The following CARMIL1 variants were observed in gnomAD, a reference collection of about 807,000 sequenced individuals.
CARMIL1 encodes the protein capping protein regulator and myosin 1 linker 1.
A neutral mutation model predicts 177.1 loss-of-function variants in CARMIL1; 90 were observed. That is an observed-to-expected ratio of 0.51 (90% confidence interval 0.43 to 0.61). The LOEUF is 0.61. Among genes scored for constraint, CARMIL1 ranks in the 20% least tolerant of loss-of-function variants. The pLI is 0.00. For missense variants in CARMIL1, 1,380 were observed against 1,667.0 expected, an observed-to-expected ratio of 0.83 and a Z score of 3.00; for synonymous variants, 577 against 606.2, an observed-to-expected ratio of 0.95 and a Z score of 0.71.
At chr6:25,360,449 C>T (rs1480435605) in intron 2 of CARMIL1, among the ~76,000 whole-genome samples, 1 of 152,152 alleles carries the variant, frequency 6.6e-6, no homozygotes, top group African/African-American at 2.4e-5. Context: ...ATGTTTCCAG[C>T]TTGTTTAGTC....
intron 2 of CARMIL1, among the ~76,000 whole-genome samples, chr6:25,306,546 T>G (rs1444585388): frequency 1.3e-5 from 2 of 152,186 alleles, no homozygotes; most frequent in Non-Finnish European, 2.9e-5. Context: ...CAGTCCTTGG[T>G]GCCAACAAGG....
intron 2 of CARMIL1, among the ~76,000 whole-genome samples, chr6:25,350,020 T>C (rs1475410973): frequency 6.6e-6 from 1 of 151,966 alleles, no homozygotes; most frequent in East Asian, 1.9e-4. Flanking sequence ...AGCCACCACG[T>C]CCAGCCTCCA....
rs370558483 is a variant in CARMIL1 at position 25,452,594 on chromosome 6, C to T, written c.614+1883C>T. The stretch of plus-strand genomic sequence containing the variant: ...CACTAATAAAGCAAACCATTACGTA[C>T]TAACATAGGTACTGTTTTTATGAAA... On this transcript the variant is annotated intron_variant, in intron 8 of 36. Transcript: ENST00000329474. 136 of 168,158 alleles carry T rather than the reference C, an allele frequency of 8.1e-4. No individual in the cohort carries two copies. The South Asian group carries it at 0.011, about 14-fold the overall frequency. 10.4% of individuals were successfully genotyped at this position (168,158 alleles called of 1,614,324 possible).
chr6:25,618,045 G>A (rs1582544961), intron 36 of CARMIL1, among the ~76,000 whole-genome samples: 1 of 152,022 alleles, frequency 6.6e-6, no homozygotes, highest in African/African-American at 2.4e-5. Context: ...GATTTGAAAG[G>A]TTTTTTTCCT....
chr6:25,446,174 CA>C (rs1798214704), intron 5 of CARMIL1, among the ~76,000 whole-genome samples: 1 of 152,160 alleles, frequency 6.6e-6, no homozygotes, highest in Non-Finnish European at 1.5e-5. Flanking sequence ...TTAGAGTCAC[CA>C]GCTGCATTAG....
intron 8 of CARMIL1, among the ~76,000 whole-genome samples, chr6:25,464,209 A>C (rs1291725370): frequency 6.6e-6 from 1 of 152,132 alleles, no homozygotes; most frequent in Non-Finnish European, 1.5e-5. Context: ...AAAACCTGGC[A>C]TGTGGAAACA....
intron 2 of CARMIL1, among the ~76,000 whole-genome samples, chr6:25,346,693 G>T (rs1205925743): frequency 6.6e-6 from 1 of 151,616 alleles, no homozygotes; most frequent in Non-Finnish European, 1.5e-5. Context: ...TCATGGTAGG[G>T]TGTCATAAGT....
chr6:25,551,124 T>G, intron 27 of CARMIL1, 39 bp downstream of exon 27: 1 of 1,529,420 alleles, frequency 6.5e-7, no homozygotes, highest in East Asian at 2.3e-5. Flanking sequence ...AGCTGCAGTT[T>G]CTGTAAATGC....
chr6:25,604,668 A>T (rs375285324), intron 33 of CARMIL1, 144 bp from the exon 34 acceptor site: 11 of 653,786 alleles, frequency 1.7e-5, no homozygotes, highest in African/African-American at 1.6e-4. Flanking sequence ...CAGAGAGCCT[A>T]TGGAGACAGG....
At chr6:25,450,765 TTCC>T in intron 8 of CARMIL1, 54 bp downstream of exon 8, 2 of 387,060 alleles carry the variant, frequency 5.2e-6, no homozygotes, top group Non-Finnish European at 9.1e-6. Context: ...CCTCCCTCCC[TTCC>T]TCCCTCCCCT....
intron 31 of CARMIL1, among the ~76,000 whole-genome samples, chr6:25,583,753 T>C (rs967316424): frequency 1.3e-5 from 2 of 152,208 alleles, no homozygotes; most frequent in African/African-American, 4.8e-5. Flanking sequence ...TACATATTCT[T>C]ATAGGGATAT....
At chr6:25,526,954 C>A (rs1807201720) in intron 23 of CARMIL1, among the ~76,000 whole-genome samples, 1 of 152,124 alleles carries the variant, frequency 6.6e-6, no homozygotes, top group Non-Finnish European at 1.5e-5. Context: ...TTTACTTTTA[C>A]TCTACTGAAG....
At chr6:25,450,947 C>T (rs1223799897) in intron 8 of CARMIL1, among the ~76,000 whole-genome samples, 1 of 21,094 alleles carries the variant, frequency 4.7e-5, no homozygotes, top group African/African-American at 1.7e-4. Context: ...CTCTCCTCTC[C>T]TCTCCTCTCC....
At chr6:25,585,189 C>A (rs1582439946) in intron 31 of CARMIL1, among the ~76,000 whole-genome samples, 1 of 152,152 alleles carries the variant, frequency 6.6e-6, no homozygotes, top group East Asian at 1.9e-4. Flanking sequence ...CCCTGTGAAG[C>A]TGCCACACAG....
At chr6:25,360,059 T>C (rs1201170051) in intron 2 of CARMIL1, among the ~76,000 whole-genome samples, 1 of 152,206 alleles carries the variant, frequency 6.6e-6, no homozygotes, top group Non-Finnish European at 1.5e-5. Flanking sequence ...AAATGAGGGA[T>C]GCCAGATAAG....
rs941575242 is a variant in CARMIL1 at position 25,551,389 on chromosome 6, T to G, written c.2504+304T>G. Reference sequence around the variant, plus strand: ...CTGTTTTCTGTTTCTGAAGTTTATCTTTCACCTTTACAGATCACTAGCTTG... The same window carrying G: ...CTGTTTTCTGTTTCTGAAGTTTATCGTTCACCTTTACAGATCACTAGCTTG... On this transcript the variant is annotated intron_variant, in intron 27 of 36. Transcript: ENST00000329474. 1.3e-5 allele frequency among the ~76,000 whole-genome samples: 2 copies of G among 152,194 alleles called. 1 individual carries two copies. Among genetic ancestry groups the G allele is most frequent in the African/African-American group, 4.8e-5 (2 of 41,450 alleles).
At chr6:25,296,934 T>TAAC (rs11414121) in intron 2 of CARMIL1, among the ~76,000 whole-genome samples, 15 of 114,254 alleles carry the variant, frequency 1.3e-4, no homozygotes, top group African/African-American at 2.2e-4. Flanking sequence ...TCTATCTATC[T>TAAC]TTAACTAACT....
intron 33 of CARMIL1, among the ~76,000 whole-genome samples, chr6:25,604,037 A>G (rs1219989356): frequency 6.6e-6 from 1 of 152,132 alleles, no homozygotes; most frequent in Non-Finnish European, 1.5e-5. Context: ...CTGTATTATC[A>G]TTGAGGTTGG....
chr6:25,318,554 A>G (rs1249785050), intron 2 of CARMIL1, among the ~76,000 whole-genome samples: 1 of 152,150 alleles, frequency 6.6e-6, no homozygotes, highest in African/African-American at 2.4e-5. Flanking sequence ...GAAGGCACCT[A>G]ACCTGTTCTT....
Sources: gnomAD v4.1 joint callset for allele counts (sites outside exome capture counted in the v4.1 genomes callset) on GRCh38, gnomAD v4.1.1 for gene constraint, MANE v1.5 for transcripts, NCBI Gene and HGNC (gene_info 2026-07-23, HGNC 2026-07-21) for gene names.